Variants in ALKAL2 observed in about 807,000 individuals in gnomAD.
The protein encoded by ALKAL2 is ALK and LTK ligand 2, also known as AUG-alpha.
Under a neutral mutation model 18.5 loss-of-function variants are expected in ALKAL2, and 8 were observed. The observed-to-expected ratio is 0.43, with a 90% CI of 0.25 to 0.78. ALKAL2 has a LOEUF of 0.78. Ranked by LOEUF, ALKAL2 falls within the 30% of genes least tolerant of loss-of-function variation. The pLI is 0.22. For synonymous variants in ALKAL2, 135 were observed against 95.8 expected (o/e 1.41, Z -2.39); for missense variants, 241 against 211.2 (o/e 1.14, Z -0.88).
chr2:280,911 A>G (rs1670319022), intron 5 of ALKAL2, among the ~76,000 whole-genome samples: 1 of 152,236 alleles, frequency 6.6e-6, no homozygotes, highest in South Asian at 2.1e-4. Context: ...TACAAAGACA[A>G]GGTCATGGTT....
intron 4 of ALKAL2, among the ~76,000 whole-genome samples, chr2:284,974 G>T (rs1416158795): frequency 1.3e-5 from 2 of 152,170 alleles, no homozygotes; most frequent in African/African-American, 4.8e-5. Flanking sequence ...ACATGGAAGG[G>T]TGGGGCCCAG....
rs67240058 is a variant in ALKAL2 at position 287,448 on chromosome 2, TAAAAAAAAAA to T, written c.253+125_253+134del. On this transcript the variant is annotated intron_variant, in intron 2 of 5. Coordinates refer to ENST00000403610, the MANE Select transcript of ALKAL2 (RefSeq NM_001002919.3). ...CCTATTGCTGCTATTTTCTTTTTCT[TAAAAAAAAAA>T]AAAAAAAAAAAAGGAATCCTGCTGT... The T allele has an allele frequency of 8.8e-5, 39 of 441,376 alleles. 1 individual carries two copies. The highest frequency in any genetic ancestry group is 1.4e-4 in the Admixed American group (3 of 20,888). The allele number at this position is 441,376 out of a possible 1,614,324, so 27.3% of individuals were successfully genotyped here.
chr2:281,945 G>C (rs1239069052), intron 5 of ALKAL2, among the ~76,000 whole-genome samples: 1 of 152,176 alleles, frequency 6.6e-6, no homozygotes, highest in African/African-American at 2.4e-5. Flanking sequence ...GATGTGGGGA[G>C]ACATTACTAC....
Position 280,155 on chromosome 2 carries a change from G to A in ALKAL2, c.454-3C>T, listed in dbSNP as rs192577707. ...GCTCCTGTACGGTCTGCTCACTGCT[G>A]AAAACAAATACATTGCGTGTGATAT... On this transcript the variant is annotated splice_polypyrimidine_tract_variant and splice_region_variant and intron_variant, in intron 5 of 5. Coordinates refer to ENST00000403610, the MANE Select transcript of ALKAL2 (RefSeq NM_001002919.3). 3 of 1,613,898 alleles carry A rather than the reference G, an allele frequency of 1.9e-6. No individual in the cohort carries two copies. Among genetic ancestry groups the A allele is most frequent in the East Asian group, 2.2e-5 (1 of 44,876 alleles).
intron 4 of ALKAL2, chr2:283,629 C>T: frequency 1.0e-6 from 1 of 983,852 alleles, no homozygotes; most frequent in South Asian, 4.7e-5. Context: ...GGCAGCAGAG[C>T]AGAGGCCTGG....
chr2:279,924 T>A lies in ALKAL2; in HGVS notation c.*223A>T, dbSNP rs955014190. ...TGTGGAGCATTCCTTTTGTGTTTTT[T>A]TTTTAAATAAGTGACAGATAACACT... On this transcript the variant is annotated 3_prime_UTR_variant, in exon 6 of 6. Coordinates refer to ENST00000403610, the MANE Select transcript of ALKAL2 (RefSeq NM_001002919.3). 9.9e-6 allele frequency: 5 copies of A among 507,070 alleles called. No homozygotes were observed. Among genetic ancestry groups the A allele is most frequent in the Non-Finnish European group, 3.6e-6 (1 of 281,332 alleles). The allele number at this position is 507,070 out of a possible 1,614,324, so 31.4% of individuals were successfully genotyped here. A position where few individuals can be genotyped will look rare whatever the true frequency, so the allele number is the denominator to read the frequency against.
intron 4 of ALKAL2, among the ~76,000 whole-genome samples, chr2:283,940 G>A (rs939570296): frequency 1.3e-5 from 2 of 152,186 alleles, no homozygotes; most frequent in African/African-American, 4.8e-5. Context: ...AAATGTGTAC[G>A]ATATGTTAGT....
rs1670589485 is a variant in ALKAL2 at position 288,010 on chromosome 2, C to A, written c.-58+3G>T. 2 of 1,228,748 alleles carry A rather than the reference C, an allele frequency of 1.6e-6. No individual in the cohort carries two copies. The highest frequency in any genetic ancestry group is 2.0e-6 in the Non-Finnish European group (2 of 987,570). The allele number at this position is 1,228,748 out of a possible 1,614,324, so 76.1% of individuals were successfully genotyped here. On this transcript the variant is annotated splice_donor_region_variant and intron_variant, in intron 1 of 5. Transcript: ENST00000403610. The stretch of plus-strand genomic sequence containing the variant: ...GCCGCTGGCGCTGGACCCGGCCCCT[C>A]ACCTCCGCGGACCCCGAGGAACAAG...
intron 5 of ALKAL2, among the ~76,000 whole-genome samples, chr2:281,406 A>G (rs532013410): frequency 1.6e-4 from 24 of 152,198 alleles, no homozygotes. Flanking sequence ...CCTGCATCTC[A>G]TCGTCAGTCA....
intron 5 of ALKAL2, among the ~76,000 whole-genome samples, chr2:280,470 T>TGC (rs1423379240): frequency 6.6e-6 from 1 of 152,240 alleles, no homozygotes; most frequent in African/African-American, 2.4e-5. Flanking sequence ...CCACAGGGAT[T>TGC]AACCTGGCAG....
Position 282,631 on chromosome 2 carries a change from G to GA in ALKAL2, c.453+479dup, listed in dbSNP as rs374669095. On this transcript the variant is annotated intron_variant, in intron 5 of 5. Transcript: ENST00000403610. ...TTACATTTTTACTATTAGAGGCTGT[G>GA]AAAAAAAAAAACCATTGATAGAAAC... 9.2e-3 allele frequency among the ~76,000 whole-genome samples: 1,327 copies of GA among 144,550 alleles called. 8 individuals are homozygous for GA. The highest frequency in any genetic ancestry group is 0.022 in the Middle Eastern group (6 of 276). The allele number at this position is 144,550 out of a possible 152,430, so 94.8% of individuals were successfully genotyped here.
chr2:287,407 A>C, intron 2 of ALKAL2, 176 bp downstream of exon 2: 1 of 481,942 alleles, frequency 2.1e-6, no homozygotes, highest in Non-Finnish European at 3.3e-6. Context: ...CTTCTCCGCC[A>C]GGCCTCATGC....
In ALKAL2 at chr2:280,286, CTG is replaced by C. The variant is rs1670298100; in HGVS notation, c.454-136_454-135del. On this transcript the variant is annotated intron_variant, in intron 5 of 5. Transcript: ENST00000403610. ...AGTCTCAGAGTGCATCTGTATTTCT[CTG>C]TGATCCAAAAAGTGTAGTCTATTGT... is the stretch of plus-strand genomic sequence containing the variant. 4 of 955,246 alleles carry C rather than the reference CTG, an allele frequency of 4.2e-6. No individual in the cohort carries two copies. In the South Asian group the frequency reaches 5.5e-5, roughly 13 times the overall value. The allele number at this position is 955,246 out of a possible 1,614,324, so 59.2% of individuals were successfully genotyped here.
chr2:283,482 C>A, intron 4 of ALKAL2: 1 of 985,430 alleles, frequency 1.0e-6, no homozygotes, highest in Non-Finnish European at 1.2e-6. Flanking sequence ...GAAATAACTT[C>A]ATTTCGCTTC....
chr2:279,916 G>T lies in ALKAL2; in HGVS notation c.*231C>A. ...ACGTCAAATGTGGAGCATTCCTTTTGTGTTTTTTTTTTAAATAAGTGACAG... is the reference window on the plus strand; with the variant it reads ...ACGTCAAATGTGGAGCATTCCTTTTTTGTTTTTTTTTTAAATAAGTGACAG... On this transcript the variant is annotated 3_prime_UTR_variant, in exon 6 of 6. Coordinates refer to ENST00000403610, the MANE Select transcript of ALKAL2 (RefSeq NM_001002919.3). 1 of 505,664 alleles carries T rather than the reference G, an allele frequency of 2.0e-6. No individual in the cohort carries two copies. Among genetic ancestry groups the T allele is most frequent in the East Asian group, 2.9e-5 (1 of 34,562 alleles). The allele number at this position is 505,664 out of a possible 1,614,324, so 31.3% of individuals were successfully genotyped here.
chr2:281,357 CAG>C (rs72065103), intron 5 of ALKAL2, among the ~76,000 whole-genome samples: 1,747 of 152,280 alleles, frequency 0.011, 68 homozygotes, highest in Admixed American at 0.087. Context: ...CTTTTGGGGA[CAG>C]AAGCTTGCGA....
rs1213361362 is a variant in ALKAL2 at position 287,427 on chromosome 2, TTGC to T, written c.253+153_253+155del. 10 of 571,920 alleles carry T rather than the reference TTGC, an allele frequency of 1.7e-5. No homozygotes were observed. The Admixed American group carries it at 2.3e-4, about 13-fold the overall frequency. The allele number at this position is 571,920 out of a possible 1,614,324, so 35.4% of individuals were successfully genotyped here. A position where few individuals can be genotyped will look rare whatever the true frequency, so the allele number is the denominator to read the frequency against. The stretch of plus-strand genomic sequence containing the variant: ...CCGCCAGGCCTCATGCGCGGACCTA[TTGC>T]TGCTATTTTCTTTTTCTTAAAAAAA... On this transcript the variant is annotated intron_variant, in intron 2 of 5. Coordinates refer to ENST00000403610, the MANE Select transcript of ALKAL2 (RefSeq NM_001002919.3).
chr2:281,984 G>A (rs2103081049), intron 5 of ALKAL2, among the ~76,000 whole-genome samples: 1 of 152,234 alleles, frequency 6.6e-6, no homozygotes. Context: ...GACTGACATT[G>A]ACACCTTCAC....
chr2:287,408 G>A (rs1214190673), intron 2 of ALKAL2, 175 bp downstream of exon 2: 17 of 484,936 alleles, frequency 3.5e-5, no homozygotes, highest in Non-Finnish European at 4.9e-5. Flanking sequence ...TTCTCCGCCA[G>A]GCCTCATGCG....
Sources: gnomAD v4.1 joint callset for allele counts (sites outside exome capture counted in the v4.1 genomes callset) on GRCh38, gnomAD v4.1.1 for gene constraint, MANE v1.5 for transcripts, NCBI Gene and HGNC (gene_info 2026-07-23, HGNC 2026-07-21) for gene names.